Variants in RAPGEF4 observed in about 807,000 individuals in gnomAD.
RAPGEF4 encodes the protein RAP guanine-nucleotide-exchange factor (GEF) 4.
Under a neutral mutation model 147.9 loss-of-function variants are expected in RAPGEF4, and 66 were observed. The observed-to-expected ratio is 0.45, with a 90% CI of 0.37 to 0.55. The LOEUF is 0.55. RAPGEF4 is among the 20% of genes least tolerant of loss of function. RAPGEF4 has a pLI of 0.00. For synonymous variants in RAPGEF4, 419 were observed against 442.7 expected (o/e 0.95, Z 0.67); for missense variants, 1,071 against 1,257.3 (o/e 0.85, Z 2.24).
At chr2:173,019,504 A>T (rs1695838876) in intron 22 of RAPGEF4, among the ~76,000 whole-genome samples, 1 of 152,190 alleles carries the variant, frequency 6.6e-6, no homozygotes, top group Admixed American at 6.5e-5. Flanking sequence ...GAATGACCAC[A>T]TATTGTAGTG....
intron 4 of RAPGEF4, among the ~76,000 whole-genome samples, chr2:172,885,168 G>C (rs930595775): frequency 2.0e-5 from 3 of 152,250 alleles, no homozygotes; most frequent in African/African-American, 7.2e-5. Context: ...GAATGCCCCA[G>C]CTTCTGCATC....
intron 6 of RAPGEF4, among the ~76,000 whole-genome samples, chr2:172,955,447 C>T (rs1426786183): frequency 1.3e-5 from 2 of 152,170 alleles, no homozygotes; most frequent in African/African-American, 2.4e-5. Context: ...GGAAGTCTTT[C>T]GTGGAGAAAG....
intron 4 of RAPGEF4, among the ~76,000 whole-genome samples, chr2:172,872,688 C>T (rs115265508): frequency 8.7e-4 from 133 of 152,194 alleles, no homozygotes; most frequent in Non-Finnish European, 1.6e-3. Context: ...CCTGCTCCAC[C>T]ATGGTAAGAC....
intron 4 of RAPGEF4, among the ~76,000 whole-genome samples, chr2:172,881,295 G>A (rs1696594437): frequency 6.6e-6 from 1 of 152,158 alleles, no homozygotes; most frequent in African/African-American, 2.4e-5. Context: ...AGACTACCAA[G>A]TATGTTATAA....
intron 26 of RAPGEF4, among the ~76,000 whole-genome samples, chr2:173,032,955 C>T (rs956198718): frequency 3.9e-5 from 6 of 152,112 alleles, no homozygotes; most frequent in South Asian, 2.1e-4. Context: ...GGATGGGAAA[C>T]GTATCACACA....
At chr2:172,878,793 T>C (rs1696260693) in intron 4 of RAPGEF4, among the ~76,000 whole-genome samples, 1 of 152,184 alleles carries the variant, frequency 6.6e-6, no homozygotes, top group South Asian at 2.1e-4. Context: ...ATATATTTCT[T>C]CTTTTGGTCG....
At chr2:172,877,286 A>G (rs577653092) in intron 4 of RAPGEF4, among the ~76,000 whole-genome samples, 11 of 152,240 alleles carry the variant, frequency 7.2e-5, no homozygotes, top group Non-Finnish European at 1.6e-4. Context: ...AACACCCCAC[A>G]TGTTCTCACT....
At chr2:172,756,692 T>C (rs1330088907) in intron 1 of RAPGEF4, among the ~76,000 whole-genome samples, 1 of 152,204 alleles carries the variant, frequency 6.6e-6, no homozygotes, top group East Asian at 1.9e-4. Flanking sequence ...GCACTGCACC[T>C]TGCATCTATT....
intron 4 of RAPGEF4, among the ~76,000 whole-genome samples, chr2:172,827,946 C>G (rs1689856269): frequency 6.6e-6 from 1 of 152,154 alleles, no homozygotes; most frequent in South Asian, 2.1e-4. Context: ...TAAATCTGCC[C>G]TTACATCCTT....
intron 10 of RAPGEF4, among the ~76,000 whole-genome samples, chr2:172,967,766 C>G (rs890192542): frequency 2.6e-5 from 4 of 152,220 alleles, no homozygotes; most frequent in Admixed American, 2.0e-4. Flanking sequence ...CTATGCCAGC[C>G]TGTGGCAGCA....
intron 4 of RAPGEF4, among the ~76,000 whole-genome samples, chr2:172,851,251 A>G (rs1692786408): frequency 6.6e-6 from 1 of 152,156 alleles, no homozygotes; most frequent in Non-Finnish European, 1.5e-5. Context: ...TATGGTTTTG[A>G]GTGATCTTCT....
At chr2:172,749,980 A>G (rs915611564) in intron 1 of RAPGEF4, among the ~76,000 whole-genome samples, 6 of 152,160 alleles carry the variant, frequency 3.9e-5, no homozygotes, top group African/African-American at 1.2e-4. Context: ...TCCAGTTCCC[A>G]AAAAGTTCCT....
At chr2:172,847,770 A>T (rs909128043) in intron 4 of RAPGEF4, among the ~76,000 whole-genome samples, 1 of 152,128 alleles carries the variant, frequency 6.6e-6, no homozygotes, top group Non-Finnish European at 1.5e-5. Context: ...CTTTTAAGAG[A>T]CTATAATTAT....
chr2:172,988,903 G>A, intron 14 of RAPGEF4, 64 bp downstream of exon 14: 2 of 1,527,666 alleles, frequency 1.3e-6, no homozygotes, highest in South Asian at 2.3e-5. Flanking sequence ...AATAAGCAAA[G>A]CTTTGAGCAT....
At chr2:173,029,420 A>T (rs1696971800) in intron 25 of RAPGEF4, among the ~76,000 whole-genome samples, 1 of 152,254 alleles carries the variant, frequency 6.6e-6, no homozygotes, top group South Asian at 2.1e-4. Flanking sequence ...CTTTCTAAAA[A>T]ATGGTTAAAC....
chr2:172,831,015 G>C (rs1432438162), intron 4 of RAPGEF4, among the ~76,000 whole-genome samples: 1 of 151,952 alleles, frequency 6.6e-6, no homozygotes, highest in Non-Finnish European at 1.5e-5. Context: ...CTTCCAAAAT[G>C]TACATTTGAC....
At chr2:172,888,758 C>T (rs1697537223) in intron 4 of RAPGEF4, among the ~76,000 whole-genome samples, 2 of 152,120 alleles carry the variant, frequency 1.3e-5, no homozygotes, top group Admixed American at 1.3e-4. Context: ...TAATTGTCTC[C>T]TTTTTCATGA....
At position 173,020,696 on chromosome 2, in the gene RAPGEF4, G is replaced by C. The variant is rs181938855; in HGVS notation, c.2234G>C (p.Arg745Pro). The change falls in exon 23 of 31, where the codon CGA (arginine) becomes CCA (proline). Residue 745 changes from arginine to proline, a missense_variant. Coordinates refer to ENST00000397081, the MANE Select transcript of RAPGEF4 (RefSeq NM_007023.4). Reference sequence around the variant, plus strand: ...AATGGACGCCTGTTTGCTTGCCCGCGAGAGCAATTCGATTCACTGGTAGGT... The same window carrying C: ...AATGGACGCCTGTTTGCTTGCCCGCCAGAGCAATTCGATTCACTGGTAGGT... ...TINGRLFACP[R>P]EQFDSLTPLP... 275 of 1,613,756 alleles carry C rather than the reference G, an allele frequency of 1.7e-4. No homozygotes were observed. The highest frequency in any genetic ancestry group is 2.5e-6 in the Non-Finnish European group (3 of 1,179,802).
intron 4 of RAPGEF4, among the ~76,000 whole-genome samples, chr2:172,877,319 A>G (rs1400183182): frequency 6.6e-6 from 1 of 152,126 alleles, no homozygotes; most frequent in East Asian, 1.9e-4. Flanking sequence ...TTGAAAAATG[A>G]GAACATATGG....
Sources: gnomAD v4.1 joint callset for allele counts (sites outside exome capture counted in the v4.1 genomes callset) on GRCh38, gnomAD v4.1.1 for gene constraint, MANE v1.5 for transcripts, NCBI Gene and HGNC (gene_info 2026-07-23, HGNC 2026-07-21) for gene names.